Variants in TEX15 observed in about 807,000 individuals in gnomAD.
TEX15 encodes the protein testis expressed 15, meiosis and synapsis associated.
TEX15 carries 171 observed loss-of-function variants against 237.3 expected under a neutral mutation model. That is an observed-to-expected ratio of 0.72 (90% CI 0.64 to 0.82). TEX15 has a LOEUF of 0.82. TEX15 is among the 40% of genes least tolerant of loss of function. TEX15 has a pLI of 0.00. For synonymous variants in TEX15, 1,338 were observed against 1,269.8 expected, an observed-to-expected ratio of 1.05 and a Z score of -1.14; for missense variants, 3,750 against 3,646.5, an observed-to-expected ratio of 1.03 and a Z score of -0.73.
In TEX15 at chr8:30,842,829, A is replaced by C. The variant is rs771849906; in HGVS notation, c.7338T>G (p.Ile2446Met). 1 of 1,613,104 alleles carries C rather than the reference A, an allele frequency of 6.2e-7. No homozygotes were observed. Among genetic ancestry groups the C allele is most frequent in the Non-Finnish European group, 8.5e-7 (1 of 1,179,428 alleles). Residue 2446 changes from isoleucine to methionine, a missense_variant, in exon 8 of 11, where the codon ATT becomes ATG. By Grantham distance (10) the Ile-to-Met change is conservative. Transcript: ENST00000643185. ...TTGTTTCTGAGACCATGACGATTTC[A>C]ATATACATTTCAATAGCTTCAGGCT... ...ILKPEAIEMY[I>M]EIVMVSETIH...
At position 30,865,662 on chromosome 8, in the gene TEX15, C is replaced by T. The variant is rs555524276; in HGVS notation, c.540+1603G>A. 3.3e-5 allele frequency among the ~76,000 whole-genome samples: 5 copies of T among 152,142 alleles called. No homozygotes were observed. In the South Asian group the frequency reaches 6.2e-4, roughly 19 times the overall value. On this transcript the variant is annotated intron_variant, in intron 5 of 10. Transcript: ENST00000643185. ...GGTTCAACTTATACAAATCAATAAA[C>T]GTGATAGATCACATCAAGAAAATCA... is the stretch of plus-strand genomic sequence containing the variant.
At chr8:30,888,239 T>C (rs562903400) in intron 2 of TEX15, among the ~76,000 whole-genome samples, 1 of 151,962 alleles carries the variant, frequency 6.6e-6, no homozygotes, top group Non-Finnish European at 1.5e-5. Context: ...TTAAAAAGCA[T>C]TTTTTTCCCT....
chr8:30,846,403 T>C lies in TEX15; in HGVS notation c.3764A>G (p.Asn1255Ser). The change falls in exon 8 of 11, where the codon AAT (asparagine) becomes AGT (serine). Residue 1255 changes from asparagine to serine, a missense_variant. Coordinates refer to ENST00000643185, the MANE Select transcript of TEX15 (RefSeq NM_001350162.2). ...RNTDVNHTSE[N>S]QNSESLFTEP... ...AGTAAACAAAGATTCACTGTTCTGATTTTCAGACGTATGATTCACATCTGT... is the reference window on the plus strand; with the variant it reads ...AGTAAACAAAGATTCACTGTTCTGACTTTCAGACGTATGATTCACATCTGT... 1.2e-6 allele frequency: 2 copies of C among 1,613,394 alleles called. No homozygotes were observed. Among genetic ancestry groups the C allele is most frequent in the Non-Finnish European group, 1.7e-6 (2 of 1,179,698 alleles).
chr8:30,886,162 T>A (rs1475432252), intron 3 of TEX15, among the ~76,000 whole-genome samples: 1 of 152,232 alleles, frequency 6.6e-6, no homozygotes, highest in Non-Finnish European at 1.5e-5. Context: ...GGCATTTTTA[T>A]GAGACTCTAG....
At chr8:30,863,397 T>C (rs1808092584) in intron 5 of TEX15, among the ~76,000 whole-genome samples, 1 of 152,160 alleles carries the variant, frequency 6.6e-6, no homozygotes, top group Non-Finnish European at 1.5e-5. Context: ...CAGGCAGCTG[T>C]ACAGTGTTCC....
rs372783810 is a variant in TEX15, at chr8:30,846,469, C to T, written c.3698G>A (p.Ser1233Asn). The stretch of plus-strand genomic sequence containing the variant: ...AAAAGAAAGGGAGATTTCAGAGTTA[C>T]TCACTGGCCCTGATTCTTGCCTTAT... ...DNIRQESGPV[S>N]NSEISLSFDL... Residue 1233 changes from serine to asparagine, a missense_variant, in exon 8 of 11, where the codon AGT (serine) becomes AAT (asparagine). Physicochemically the swap from Ser to Asn is conservative, Grantham distance 46. Transcript: ENST00000643185. 6.2e-7 allele frequency: 1 copy of T among 1,613,104 alleles called. No homozygotes were observed. Among genetic ancestry groups the T allele is most frequent in the African/African-American group, 1.3e-5 (1 of 74,892 alleles).
intron 10 of TEX15, among the ~76,000 whole-genome samples, chr8:30,836,058 GAAGA>G (rs542698589): frequency 6.6e-6 from 1 of 152,036 alleles, no homozygotes. Flanking sequence ...GTTTTTACCT[GAAGA>G]TAGACAAATT....
intron 3 of TEX15, among the ~76,000 whole-genome samples, chr8:30,884,265 C>T (rs902253528): frequency 2.6e-5 from 4 of 152,176 alleles, no homozygotes; most frequent in African/African-American, 9.7e-5. Flanking sequence ...CTCTAATGAT[C>T]AGTGATGTTG....
rs183945188 is a variant in TEX15 at position 30,902,309 on chromosome 8, C to A, written c.-85-3492G>T. Among the ~76,000 whole-genome samples the A allele has an allele frequency of 2.5e-4, 37 of 150,192 alleles. No individual in the cohort carries two copies. In the East Asian group the frequency reaches 6.8e-3, roughly 28 times the overall value. ...AAAAAGAAATACTTGCAACTGGGAA[C>A]TTCACTTTCAGGCTTAAAGCTCCTG... On this transcript the variant is annotated intron_variant, in intron 1 of 10. Coordinates refer to ENST00000643185, the MANE Select transcript of TEX15 (RefSeq NM_001350162.2).
intron 7 of TEX15, among the ~76,000 whole-genome samples, chr8:30,856,517 C>T (rs1807916810): frequency 6.6e-6 from 1 of 152,048 alleles, no homozygotes; most frequent in Non-Finnish European, 1.5e-5. Flanking sequence ...TGTGCCACAG[C>T]ATTCCAGCCT....
intron 1 of TEX15, among the ~76,000 whole-genome samples, chr8:30,903,045 T>C (rs1161171643): frequency 6.6e-6 from 1 of 152,240 alleles, no homozygotes. Flanking sequence ...ACATAGTCTA[T>C]GTTGAATCAA....
chr8:30,881,136 T>C (rs2128774653), intron 3 of TEX15, among the ~76,000 whole-genome samples: 1 of 152,334 alleles, frequency 6.6e-6, no homozygotes, highest in South Asian at 2.1e-4. Flanking sequence ...ATTTTAAATA[T>C]TGAACTCCAT....
intron 1 of TEX15, 101 bp from the exon 2 acceptor site, chr8:30,898,918 T>C (rs1385753405): frequency 1.3e-5 from 2 of 152,222 alleles, no homozygotes; most frequent in Non-Finnish European, 2.9e-5. Flanking sequence ...TTCATTTTTT[T>C]CCTCCTGGTT....
chr8:30,836,367 C>G (rs1807300202), intron 10 of TEX15, among the ~76,000 whole-genome samples: 1 of 151,878 alleles, frequency 6.6e-6, no homozygotes, highest in South Asian at 2.1e-4. Context: ...GTGTGCGCCA[C>G]CATGCCCAGC....
intron 4 of TEX15, among the ~76,000 whole-genome samples, chr8:30,872,805 A>C (rs1310188876): frequency 6.6e-6 from 1 of 152,214 alleles, no homozygotes; most frequent in Non-Finnish European, 1.5e-5. Flanking sequence ...AATATTTTGT[A>C]CAGTTGCACA....
chr8:30,849,310 G>C lies in TEX15; in HGVS notation c.857C>G (p.Thr286Arg), dbSNP rs1168466034. The C allele has an allele frequency of 1.1e-5, 17 of 1,497,736 alleles. No homozygotes were observed. The highest frequency in any genetic ancestry group is 1.5e-5 in the Non-Finnish European group (17 of 1,130,696). The allele number at this position is 1,497,736 out of a possible 1,614,324, so 92.8% of individuals were successfully genotyped here. A position where few individuals can be genotyped will look rare whatever the true frequency, so the allele number is the denominator to read the frequency against. ...CACTGTACAGTTATTCAGAGAGCAT[G>C]TCCTTTCTGTGGAAATAATAAGGAA... ...STGFPKRAERTCSLNNCTVAK... is the reference protein window; with the variant it reads ...STGFPKRAERRCSLNNCTVAK... Residue 286 changes from threonine (T) to arginine (R), a missense_variant, in exon 8 of 11, where the codon ACA becomes AGA. By Grantham distance (71) the Thr-to-Arg change is moderately conservative. Transcript: ENST00000643185.
chr8:30,875,217 C>T, intron 3 of TEX15, 115 bp from the exon 4 acceptor site: 3 of 548,638 alleles, frequency 5.5e-6, no homozygotes, highest in Non-Finnish European at 2.7e-6. Flanking sequence ...TTTTCATTAA[C>T]AACATAAGGC....
Position 30,837,207 on chromosome 8 carries a change from G to A in TEX15, c.9077C>T (p.Pro3026Leu). The change falls in exon 10 of 11, where the codon CCA (proline) becomes CTA (leucine). Residue 3026 changes from proline (P) to leucine (L), a missense_variant. By Grantham distance (98) the Pro-to-Leu change is moderately conservative. Coordinates refer to ENST00000643185, the MANE Select transcript of TEX15 (RefSeq NM_001350162.2). ...WNELPQSACN[P>L]TYNSSEHLFG... ...TAAATGCTCAGAAGAATTATATGTT[G>A]GGTTACATGCAGACTGTGGAAGTTC... is the stretch of plus-strand genomic sequence containing the variant. 1 of 1,614,088 alleles carries A rather than the reference G, an allele frequency of 6.2e-7. No individual in the cohort carries two copies. Among genetic ancestry groups the A allele is most frequent in the Non-Finnish European group, 8.5e-7 (1 of 1,180,030 alleles).
At chr8:30,897,745 T>G (rs1038871873) in intron 2 of TEX15, among the ~76,000 whole-genome samples, 2 of 152,166 alleles carry the variant, frequency 1.3e-5, no homozygotes, top group Non-Finnish European at 1.5e-5. Flanking sequence ...ATTGTAACCT[T>G]GAATTCCTGG....
Sources: gnomAD v4.1 joint callset for allele counts (sites outside exome capture counted in the v4.1 genomes callset) on GRCh38, gnomAD v4.1.1 for gene constraint, MANE v1.5 for transcripts, NCBI Gene and HGNC (gene_info 2026-07-23, HGNC 2026-07-21) for gene names.